Variants in NKAIN3 observed in about 807,000 individuals in gnomAD.
NKAIN3 encodes sodium/potassium-transporting ATPase subunit beta-1-interacting protein 3.
A neutral mutation model predicts 30.2 loss-of-function variants in NKAIN3; 25 were observed. The ratio of observed to expected loss-of-function variants is 0.83; its 90% CI spans 0.60 to 1.16. The LOEUF (loss-of-function observed/expected upper bound fraction) is 1.16. Among genes scored for constraint, NKAIN3 ranks in the 50% most tolerant of loss-of-function variants. NKAIN3 has a pLI of 0.00. For synonymous variants in NKAIN3, 91 were observed against 89.6 expected (o/e 1.02, Z -0.09); for missense variants, 225 against 254.1 (o/e 0.89, Z 0.78).
In NKAIN3 at chr8:62,975,294, C is replaced by CTTTTT. The variant is rs564494327; in HGVS notation, c.*9893_*9897dup. ...AGCTATGAGTCCATCTGGTCCTGGG[C>CTTTTT]TTTTTTTTTTAGTTGGTCAGCTATT... is the stretch of plus-strand genomic sequence containing the variant. On this transcript the variant is annotated 3_prime_UTR_variant, in exon 7 of 7. Transcript: ENST00000623646. Among the ~76,000 whole-genome samples, 4 of 146,376 alleles carry CTTTTT rather than the reference C, an allele frequency of 2.7e-5. No homozygotes were observed. In the South Asian group the frequency reaches 8.6e-4, roughly 32 times the overall value.
At chr8:62,954,127 CATT>C (rs1055247474) in intron 6 of NKAIN3, among the ~76,000 whole-genome samples, 155 bp downstream of exon 6, 4 of 152,178 alleles carry the variant, frequency 2.6e-5, no homozygotes, top group Admixed American at 6.5e-5. Context: ...CCAACATCAT[CATT>C]ATTATTATTC....
chr8:62,498,159 C>T (rs1451846), intron 1 of NKAIN3, among the ~76,000 whole-genome samples: 101,822 of 151,840 alleles, frequency 0.67, 34,616 homozygotes, highest in South Asian at 0.79. Context: ...TATAATGTAT[C>T]GTAAAATGAG....
intron 3 of NKAIN3, among the ~76,000 whole-genome samples, chr8:62,734,067 AGCC>A (rs1449828077): frequency 2.0e-5 from 3 of 152,166 alleles, no homozygotes; most frequent in Non-Finnish European, 4.4e-5. Flanking sequence ...GGGCTGCTTG[AGCC>A]CAGGAGTTCA....
chr8:62,325,590 T>C (rs1172917341), intron 1 of NKAIN3, among the ~76,000 whole-genome samples: 1 of 152,102 alleles, frequency 6.6e-6, no homozygotes, highest in East Asian at 1.9e-4. Context: ...CTAGTTTACA[T>C]TCCCACATGC....
intron 1 of NKAIN3, among the ~76,000 whole-genome samples, chr8:62,405,221 AT>A (rs1804024149): frequency 6.6e-6 from 1 of 151,982 alleles, no homozygotes; most frequent in Non-Finnish European, 1.5e-5. Flanking sequence ...GTTTCCTGCC[AT>A]TGGGCTAAGG....
At chr8:62,990,463 T>C (rs1824299815) in intron 5 of NKAIN3, 1 of 698,434 alleles carries the variant, frequency 1.4e-6, no homozygotes, top group Admixed American at 4.9e-5. Context: ...GCCATTGCTT[T>C]GTATAAAATG....
At chr8:62,347,523 TC>T in intron 1 of NKAIN3, among the ~76,000 whole-genome samples, 1 of 152,074 alleles carries the variant, frequency 6.6e-6, no homozygotes, top group Non-Finnish European at 1.5e-5. Context: ...TTAAGGAAGA[TC>T]AAAAAGTAGA....
At chr8:62,412,867 G>A (rs1292579533) in intron 1 of NKAIN3, among the ~76,000 whole-genome samples, 5 of 140,804 alleles carry the variant, frequency 3.6e-5, no homozygotes, top group Non-Finnish European at 7.5e-5. Flanking sequence ...AGCTGAGATC[G>A]CACCACTGCA....
chr8:62,639,097 G>A (rs1812226452), intron 3 of NKAIN3, among the ~76,000 whole-genome samples: 1 of 152,106 alleles, frequency 6.6e-6, no homozygotes, highest in Admixed American at 6.6e-5. Flanking sequence ...TTAAAGTCAG[G>A]GAACTGAGTG....
chr8:62,426,122 A>G (rs910378091), intron 1 of NKAIN3, among the ~76,000 whole-genome samples: 3 of 151,990 alleles, frequency 2.0e-5, no homozygotes, highest in Admixed American at 6.6e-5. Context: ...TGTCAAGTCA[A>G]TAGCGGTTCA....
chr8:62,335,432 C>CAAAAAA (rs5891845), intron 1 of NKAIN3, among the ~76,000 whole-genome samples: 3 of 82,192 alleles, frequency 3.6e-5, no homozygotes, highest in Non-Finnish European at 7.5e-5. Context: ...GACTCTGTCT[C>CAAAAAA]AAAAAAAAAA....
intron 1 of NKAIN3, among the ~76,000 whole-genome samples, chr8:62,453,442 A>G (rs1159623413): frequency 1.3e-5 from 2 of 152,282 alleles, no homozygotes; most frequent in South Asian, 2.1e-4. Flanking sequence ...AAGATTTCAT[A>G]TTAACCTAAC....
In NKAIN3 at chr8:62,257,688, C is replaced by T. The variant is rs1849444173; in HGVS notation, c.54+8561C>T. ...TTTCATGAACAACACATATTCATAC[C>T]CTTGAACATATGTAGTTCAGGCTTC... On this transcript the variant is annotated intron_variant, in intron 1 of 6. Coordinates refer to ENST00000623646, the MANE Select transcript of NKAIN3 (RefSeq NM_001304533.3). Among the ~76,000 whole-genome samples, 5 of 152,108 alleles carry T rather than the reference C, an allele frequency of 3.3e-5. No individual in the cohort carries two copies. The South Asian group carries it at 1.0e-3, about 32-fold the overall frequency.
chr8:62,776,337 GT>G (rs1366782682), intron 4 of NKAIN3, among the ~76,000 whole-genome samples: 2 of 151,884 alleles, frequency 1.3e-5, no homozygotes, highest in South Asian at 2.1e-4. Context: ...TTTTCTGAGG[GT>G]TTTTTTGTGA....
At chr8:62,536,650 G>A (rs993036491) in intron 1 of NKAIN3, among the ~76,000 whole-genome samples, 1 of 151,894 alleles carries the variant, frequency 6.6e-6, no homozygotes, top group African/African-American at 2.4e-5. Context: ...GCTGTCTCTG[G>A]AAGAACCTAT....
intron 4 of NKAIN3, among the ~76,000 whole-genome samples, chr8:62,775,738 T>C (rs1028220161): frequency 2.0e-5 from 3 of 152,050 alleles, no homozygotes; most frequent in Non-Finnish European, 4.4e-5. Context: ...TGATTTCTAG[T>C]TTTTTCTAGT....
chr8:62,624,295 G>A (rs952947493), intron 3 of NKAIN3, among the ~76,000 whole-genome samples: 4 of 151,964 alleles, frequency 2.6e-5, no homozygotes, highest in African/African-American at 9.7e-5. Flanking sequence ...CAGCCCAGTA[G>A]GTCTCAGTCT....
At chr8:62,540,549 G>A (rs1305132964) in intron 1 of NKAIN3, among the ~76,000 whole-genome samples, 1 of 151,956 alleles carries the variant, frequency 6.6e-6, no homozygotes, top group East Asian at 1.9e-4. Context: ...GTATAAATTG[G>A]TCAATATGTT....
At chr8:62,759,188 A>G (rs1816559491) in intron 4 of NKAIN3, among the ~76,000 whole-genome samples, 3 of 152,200 alleles carry the variant, frequency 2.0e-5, no homozygotes, top group Admixed American at 1.3e-4. Flanking sequence ...GTGAAAACTT[A>G]TTTAATATGA....
Sources: allele counts gnomAD v4.1 joint callset (sites outside exome capture counted in the v4.1 genomes callset), GRCh38; gene constraint gnomAD v4.1.1; transcripts MANE v1.5; gene names NCBI Gene and HGNC (gene_info 2026-07-23, HGNC 2026-07-21).